GABRB2: variants seen among roughly 807,000 people sequenced by gnomAD.
The protein encoded by GABRB2 is gamma-aminobutyric acid receptor subunit beta-2.
GABRB2 carries 16 observed loss-of-function variants against 54.7 expected under a neutral mutation model. The observed-to-expected ratio is 0.29, with a 90% CI of 0.20 to 0.44. GABRB2 has a LOEUF of 0.44. GABRB2 is among the 20% of genes least tolerant of loss of function. The probability of loss-of-function intolerance (pLI) is 1.00; values close to 1 mark genes in which losing one functional copy is unlikely to be tolerated. For missense variants in GABRB2, 355 were observed against 644.0 expected (o/e 0.55, Z 4.86); for synonymous variants, 244 against 233.8 (o/e 1.04, Z -0.40).
At chr5:161,421,804 T>C (rs1313944613) in intron 4 of GABRB2, among the ~76,000 whole-genome samples, 1 of 152,194 alleles carries the variant, frequency 6.6e-6, no homozygotes, top group Non-Finnish European at 1.5e-5. Flanking sequence ...CTGTTTTAAC[T>C]GGGTGGTGGA....
At chr5:161,313,219 C>A (rs904939117) in intron 9 of GABRB2, among the ~76,000 whole-genome samples, 5 of 152,058 alleles carry the variant, frequency 3.3e-5, no homozygotes, top group African/African-American at 1.2e-4. Flanking sequence ...TGCTCTGTGA[C>A]CTTAGACTAG....
chr5:161,386,824 CAA>C (rs55916255), intron 5 of GABRB2, among the ~76,000 whole-genome samples: 3 of 137,052 alleles, frequency 2.2e-5, no homozygotes, highest in Non-Finnish European at 1.6e-5. Flanking sequence ...TGTGCCCAGC[CAA>C]AAAAAAAAAA....
intron 4 of GABRB2, among the ~76,000 whole-genome samples, chr5:161,450,293 G>A (rs1439192683): frequency 1.3e-5 from 2 of 152,080 alleles, no homozygotes. Context: ...CAGTCAAGGA[G>A]ATCCATTGGC....
chr5:161,377,776 T>C (rs1479106090), intron 5 of GABRB2, among the ~76,000 whole-genome samples: 2 of 152,054 alleles, frequency 1.3e-5, no homozygotes, highest in South Asian at 2.1e-4. Context: ...CCCTTAAAAA[T>C]AGCCCTTTAT....
rs532496729 is a variant in GABRB2 at position 161,447,295 on chromosome 5, T to C, written c.458+12329A>G. 3.9e-5 allele frequency among the ~76,000 whole-genome samples: 6 copies of C among 152,276 alleles called. No individual in the cohort carries two copies. In the South Asian group the frequency reaches 1.2e-3, roughly 32 times the overall value. ...AATACTGCTATTCTAAGTTTTGTGTTGTCTGGCCTCATTATGCAATGATGT... is the reference window on the plus strand; with the variant it reads ...AATACTGCTATTCTAAGTTTTGTGTCGTCTGGCCTCATTATGCAATGATGT... On this transcript the variant is annotated intron_variant, in intron 4 of 9. Coordinates refer to ENST00000393959, the MANE Select transcript of GABRB2 (RefSeq NM_001371727.1).
At chr5:161,509,138 C>A (rs192575820) in intron 3 of GABRB2, among the ~76,000 whole-genome samples, 1 of 151,810 alleles carries the variant, frequency 6.6e-6, no homozygotes, top group Non-Finnish European at 1.5e-5. Flanking sequence ...ACATAAAACA[C>A]GGCATGGAAA....
intron 5 of GABRB2, among the ~76,000 whole-genome samples, chr5:161,391,013 A>G (rs1398817844): frequency 6.6e-6 from 1 of 152,200 alleles, no homozygotes; most frequent in African/African-American, 2.4e-5. Flanking sequence ...TTAAGTTCTA[A>G]GAACACAACA....
intron 4 of GABRB2, among the ~76,000 whole-genome samples, chr5:161,454,367 C>T (rs375927926): frequency 6.6e-6 from 1 of 152,142 alleles, no homozygotes; most frequent in Non-Finnish European, 1.5e-5. Context: ...GCATCCTCAA[C>T]ACTGTTTGAC....
intron 9 of GABRB2, among the ~76,000 whole-genome samples, chr5:161,300,533 A>G (rs1580959735): frequency 1.3e-5 from 2 of 152,290 alleles, no homozygotes; most frequent in East Asian, 1.9e-4. Context: ...TTAATCCAGT[A>G]ATATTCCATG....
At chr5:161,427,580 A>G (rs777519210) in intron 4 of GABRB2, among the ~76,000 whole-genome samples, 18 of 151,062 alleles carry the variant, frequency 1.2e-4, no homozygotes, top group Admixed American at 3.3e-4. Flanking sequence ...AAATGCCTAA[A>G]TCCTTTGCAG....
intron 3 of GABRB2, among the ~76,000 whole-genome samples, chr5:161,528,413 C>A (rs563686531): frequency 2.6e-4 from 39 of 151,770 alleles, no homozygotes; most frequent in African/African-American, 9.4e-4. Flanking sequence ...AATTATGCAA[C>A]AAGGAAATTT....
intron 5 of GABRB2, among the ~76,000 whole-genome samples, chr5:161,347,760 T>C (rs1193234535): frequency 6.6e-6 from 1 of 152,126 alleles, no homozygotes; most frequent in Non-Finnish European, 1.5e-5. Flanking sequence ...CAATAAATGT[T>C]TTTTGTTTTA....
intron 4 of GABRB2, among the ~76,000 whole-genome samples, chr5:161,444,121 T>G (rs1757545779): frequency 6.6e-6 from 1 of 152,154 alleles, no homozygotes; most frequent in Admixed American, 6.6e-5. Context: ...AAATGCATTT[T>G]CTTTTTCCCC....
intron 3 of GABRB2, among the ~76,000 whole-genome samples, chr5:161,517,476 AGG>A (rs1759983276): frequency 6.6e-6 from 1 of 152,158 alleles, no homozygotes; most frequent in South Asian, 2.1e-4. Context: ...CCAGTGACAT[AGG>A]TTGAAGTCAA....
At chr5:161,391,636 G>T (rs1048217087) in intron 5 of GABRB2, among the ~76,000 whole-genome samples, 1 of 152,122 alleles carries the variant, frequency 6.6e-6, no homozygotes, top group South Asian at 2.1e-4. Flanking sequence ...TGCCCAGAGA[G>T]AAAATGGGGA....
Position 161,456,688 on chromosome 5 carries a change from AAG to A in GABRB2, c.458+2934_458+2935del, listed in dbSNP as rs1332103876. 5.6e-3 allele frequency among the ~76,000 whole-genome samples: 857 copies of A among 152,326 alleles called. 8 individuals carry two copies. Among genetic ancestry groups the A allele is most frequent in the African/African-American group, 0.019 (789 of 41,562 alleles). On this transcript the variant is annotated intron_variant, in intron 4 of 9. Transcript: ENST00000393959. ...TTGCTGGGTTAAAGTTAATATAAAT[AAG>A]ATAATATATGTAAAGTTCTGGCACT...
At chr5:161,380,433 T>C (rs1580933827) in intron 5 of GABRB2, among the ~76,000 whole-genome samples, 3 of 152,154 alleles carry the variant, frequency 2.0e-5, no homozygotes, top group Non-Finnish European at 4.4e-5. Flanking sequence ...TCTTTCTTAA[T>C]GAAATGCTCA....
rs980204081 is a variant in GABRB2, at chr5:161,383,926, C to T, written c.541+27049G>A. ...ATGTGTGTGTATATACACATATATA[C>T]GCGCAAGCTGGAGTGCAGTGGTGCG... On this transcript the variant is annotated intron_variant, in intron 5 of 9. Coordinates refer to ENST00000393959, the MANE Select transcript of GABRB2 (RefSeq NM_001371727.1). Among the ~76,000 whole-genome samples, 8 of 152,252 alleles carry T rather than the reference C, an allele frequency of 5.3e-5. No homozygotes were observed. The Middle Eastern group carries it at 0.01, about 196-fold the overall frequency.
chr5:161,319,115 T>G (rs531997260), intron 9 of GABRB2, among the ~76,000 whole-genome samples: 2 of 150,614 alleles, frequency 1.3e-5, no homozygotes, highest in African/African-American at 4.9e-5. Flanking sequence ...CTAATGTAAT[T>G]TTATTAGCTG....
Sources: allele counts gnomAD v4.1 joint callset (sites outside exome capture counted in the v4.1 genomes callset), GRCh38; gene constraint gnomAD v4.1.1; transcripts MANE v1.5; gene names NCBI Gene and HGNC (gene_info 2026-07-23, HGNC 2026-07-21).